TIAM2: variants seen among roughly 807,000 people sequenced by gnomAD.
TIAM2 encodes TIAM Rac1 associated GEF 2.
Under a neutral mutation model 152.9 loss-of-function variants are expected in TIAM2, and 80 were observed. That is an observed-to-expected ratio of 0.52 (90% CI 0.44 to 0.63). The LOEUF (loss-of-function observed/expected upper bound fraction) is 0.63. TIAM2 is among the 30% of genes least tolerant of loss of function. The pLI, the probability that TIAM2 is intolerant of heterozygous loss-of-function variation, is 0.00. For synonymous variants in TIAM2, 804 were observed against 838.0 expected (o/e 0.96, Z 0.70); for missense variants, 1,965 against 2,120.1 (o/e 0.93, Z 1.44).
At position 155,137,535 on chromosome 6, in the gene TIAM2, T is replaced by C. The variant is rs1779584745; in HGVS notation, c.1553T>C (p.Leu518Pro). 4.3e-6 allele frequency: 7 copies of C among 1,613,752 alleles called. No homozygotes were observed. The highest frequency in any genetic ancestry group is 5.9e-6 in the Non-Finnish European group (7 of 1,180,004). ...GCCGGGTGGCTCTTCTTCAAGCCCCTGGTCACTGTGCAGAAGGAAAGGAAG... is the reference window on the plus strand; with the variant it reads ...GCCGGGTGGCTCTTCTTCAAGCCCCCGGTCACTGTGCAGAAGGAAAGGAAG... Reference protein sequence around the residue: ...RKAGWLFFKPLVTVQKERKLE... With the variant: ...RKAGWLFFKPPVTVQKERKLE... The change falls in exon 5 of 27, where the codon CTG becomes CCG. Residue 518 changes from leucine (L) to proline (P), a missense_variant. By Grantham distance (98) the Leu-to-Pro change is moderately conservative. Transcript: ENST00000682666.
chr6:155,165,866 T>C (rs750558978), intron 9 of TIAM2, among the ~76,000 whole-genome samples: 12 of 151,990 alleles, frequency 7.9e-5, no homozygotes, highest in Non-Finnish European at 1.2e-4. Context: ...CCAACGAAAC[T>C]GCACAAGTTG....
intron 1 of TIAM2, among the ~76,000 whole-genome samples, chr6:155,043,710 A>G (rs1381375668): frequency 6.8e-6 from 1 of 146,712 alleles, no homozygotes; most frequent in African/African-American, 2.5e-5. Flanking sequence ...GCCCCCCTGC[A>G]CCCCCACTCC....
intron 2 of TIAM2, among the ~76,000 whole-genome samples, chr6:155,093,407 C>G (rs1778345387): frequency 6.6e-6 from 1 of 152,128 alleles, no homozygotes; most frequent in African/African-American, 2.4e-5. Context: ...AAAGGGCGTC[C>G]TGTACATGAT....
chr6:155,039,999 G>A (rs1033383369), intron 1 of TIAM2, among the ~76,000 whole-genome samples: 2 of 152,122 alleles, frequency 1.3e-5, no homozygotes, highest in South Asian at 4.2e-4. Context: ...GCAATAATTT[G>A]TACTGTAATT....
chr6:155,152,596 C>T (rs923489288), intron 7 of TIAM2, among the ~76,000 whole-genome samples: 2 of 152,152 alleles, frequency 1.3e-5, no homozygotes, highest in African/African-American at 4.8e-5. Context: ...GATCCGGCAG[C>T]CACAGCCTGT....
intron 1 of TIAM2, among the ~76,000 whole-genome samples, chr6:155,054,618 G>C (rs1395855134): frequency 1.3e-5 from 2 of 151,790 alleles, no homozygotes; most frequent in African/African-American, 4.8e-5. Flanking sequence ...GTCTCACTCT[G>C]TTGCCAGGCT....
chr6:155,061,863 G>A (rs1370955737), intron 1 of TIAM2, among the ~76,000 whole-genome samples: 1 of 152,068 alleles, frequency 6.6e-6, no homozygotes, highest in Non-Finnish European at 1.5e-5. Flanking sequence ...CACTTTTTGT[G>A]GTGTACAGTT....
intron 1 of TIAM2, among the ~76,000 whole-genome samples, chr6:155,066,961 TA>T (rs1777706259): frequency 6.6e-6 from 1 of 152,186 alleles, no homozygotes; most frequent in Non-Finnish European, 1.5e-5. Flanking sequence ...TTTGCTATAT[TA>T]GCCAGACTGG....
intron 14 of TIAM2, among the ~76,000 whole-genome samples, chr6:155,194,520 C>G (rs1249407508): frequency 6.6e-6 from 1 of 152,204 alleles, no homozygotes; most frequent in Non-Finnish European, 1.5e-5. Flanking sequence ...GCATGGCAGG[C>G]AGTCCCTGCC....
intron 1 of TIAM2, among the ~76,000 whole-genome samples, chr6:155,065,807 T>C (rs1383270713): frequency 2.0e-5 from 3 of 152,200 alleles, no homozygotes; most frequent in Non-Finnish European, 4.4e-5. Context: ...ATAAAAATAA[T>C]GACAGTGCAC....
At chr6:155,193,216 G>T (rs898421914) in intron 14 of TIAM2, among the ~76,000 whole-genome samples, 2 of 152,090 alleles carry the variant, frequency 1.3e-5, no homozygotes, top group Admixed American at 6.5e-5. Context: ...ACCAGCCTGG[G>T]CAATGTAGTG....
chr6:155,244,788 G>GT lies in TIAM2; in HGVS notation c.3543+6dup. 6.2e-7 allele frequency: 1 copy of GT among 1,602,054 alleles called. No individual in the cohort carries two copies. Among genetic ancestry groups the GT allele is most frequent in the Non-Finnish European group, 8.5e-7 (1 of 1,174,442 alleles). ...GAAACCCCCTCACAGTTTAGAGTAA[G>GT]TATCTCAGATTTAGGCTTAAAGTAA... On this transcript the variant is annotated splice_donor_region_variant and intron_variant, in intron 18 of 26. Transcript: ENST00000682666.
chr6:155,257,338 T>C lies in TIAM2; in HGVS notation c.*217T>C. 1 of 560,628 alleles carries C rather than the reference T, an allele frequency of 1.8e-6. No homozygotes were observed. Among genetic ancestry groups the C allele is most frequent in the African/African-American group, 1.9e-5 (1 of 53,066 alleles). The allele number at this position is 560,628 out of a possible 1,614,324, so 34.7% of individuals were successfully genotyped here. A position where few individuals can be genotyped will look rare whatever the true frequency, so the allele number is the denominator to read the frequency against. On this transcript the variant is annotated 3_prime_UTR_variant, in exon 27 of 27. Coordinates refer to ENST00000682666, the MANE Select transcript of TIAM2 (RefSeq NM_012454.4). Reference sequence around the variant, plus strand: ...TGGTCAGAATCTGTAAATTACTTAGTTTATATCCACTTTGAGCAGGTATCA... The same window carrying C: ...TGGTCAGAATCTGTAAATTACTTAGCTTATATCCACTTTGAGCAGGTATCA...
intron 15 of TIAM2, among the ~76,000 whole-genome samples, chr6:155,238,461 C>G (rs905282407): frequency 6.6e-6 from 1 of 152,134 alleles, no homozygotes; most frequent in Non-Finnish European, 1.5e-5. Flanking sequence ...GCAGTGCCCC[C>G]GACTCAAAAG....
chr6:155,165,255 T>C lies in TIAM2; in HGVS notation c.2215-8T>C. The C allele has an allele frequency of 6.3e-7, 1 of 1,598,028 alleles. No homozygotes were observed. Among genetic ancestry groups the C allele is most frequent in the East Asian group, 2.2e-5 (1 of 44,750 alleles). On this transcript the variant is annotated splice_region_variant and splice_polypyrimidine_tract_variant and intron_variant, in intron 8 of 26. Transcript: ENST00000682666. ...TTTAGATTTTTTTTAAACTGTGTTT[T>C]ACATTAGGTATGTTCTAGAGATGAC...
intron 7 of TIAM2, among the ~76,000 whole-genome samples, chr6:155,151,405 T>C (rs2352150): frequency 0.46 from 70,070 of 151,792 alleles, 16,703 homozygotes; most frequent in Middle Eastern, 0.56. Context: ...ATAACATATT[T>C]ACACTATACC....
chr6:155,048,526 G>A (rs918779733), intron 1 of TIAM2, among the ~76,000 whole-genome samples: 2 of 151,370 alleles, frequency 1.3e-5, no homozygotes. Context: ...TGTGGCCGTG[G>A]AAGGAAGAGG....
At chr6:155,253,148 G>A in intron 24 of TIAM2, 95 bp downstream of exon 24, 1 of 1,081,726 alleles carries the variant, frequency 9.2e-7, no homozygotes, top group Non-Finnish European at 1.4e-6. Flanking sequence ...ATAATTTTTG[G>A]TGCCTTTTAT....
chr6:155,229,167 T>C (rs1583265796), intron 15 of TIAM2, among the ~76,000 whole-genome samples: 1 of 152,192 alleles, frequency 6.6e-6, no homozygotes, highest in East Asian at 1.9e-4. Flanking sequence ...ATTGAGATAC[T>C]GAGTTTTGTT....
Sources: gnomAD v4.1 joint callset for allele counts (sites outside exome capture counted in the v4.1 genomes callset) on GRCh38, gnomAD v4.1.1 for gene constraint, MANE v1.5 for transcripts, NCBI Gene and HGNC (gene_info 2026-07-23, HGNC 2026-07-21) for gene names.